CA8: variants seen among roughly 807,000 people sequenced by gnomAD.
The protein encoded by CA8 is carbonic anhydrase 8 (inactive), also known as carbonic anhydrase-related protein.
A neutral mutation model predicts 41.4 loss-of-function variants in CA8; 22 were observed. That is an observed-to-expected ratio of 0.53 (90% CI 0.38 to 0.76). The LOEUF is 0.76. Among genes scored for constraint, CA8 ranks in the 30% least tolerant of loss-of-function variants. The pLI, the probability that CA8 is intolerant of heterozygous loss-of-function variation, is 0.00. For missense variants in CA8, 270 were observed against 352.8 expected, an observed-to-expected ratio of 0.77 and a Z score of 1.88; for synonymous variants, 121 against 130.6, an observed-to-expected ratio of 0.93 and a Z score of 0.50.
intron 2 of CA8, among the ~76,000 whole-genome samples, chr8:60,278,537 A>G: frequency 6.6e-6 from 1 of 152,214 alleles, no homozygotes; most frequent in Non-Finnish European, 1.5e-5. Flanking sequence ...TTTAAAAAAC[A>G]GTAAGTAATG....
chr8:60,226,989 T>C, intron 4 of CA8, 54 bp from the exon 5 acceptor site: 1 of 1,314,944 alleles, frequency 7.6e-7, no homozygotes, highest in South Asian at 1.2e-5. Context: ...TGTTTAGCTT[T>C]AACTAAAAAA....
At chr8:60,263,181 G>A (rs1268230217) in intron 3 of CA8, among the ~76,000 whole-genome samples, 3 of 149,788 alleles carry the variant, frequency 2.0e-5, no homozygotes, top group Non-Finnish European at 4.4e-5. Context: ...AATTTAGCCT[G>A]GTGTGCTGGC....
At chr8:60,210,189 A>G (rs1451429568) in intron 7 of CA8, among the ~76,000 whole-genome samples, 1 of 152,204 alleles carries the variant, frequency 6.6e-6, no homozygotes, top group Admixed American at 6.5e-5. Context: ...CTCTTTAGGA[A>G]TTCTAGTCAA....
chr8:60,260,206 C>G (rs1457808165), intron 3 of CA8, among the ~76,000 whole-genome samples: 1 of 152,160 alleles, frequency 6.6e-6, no homozygotes, highest in African/African-American at 2.4e-5. Context: ...GAGCTAACCT[C>G]CCTCCTCCCC....
intron 3 of CA8, among the ~76,000 whole-genome samples, chr8:60,258,620 A>G (rs1006549134): frequency 6.6e-6 from 1 of 152,204 alleles, no homozygotes; most frequent in African/African-American, 2.4e-5. Context: ...ATATATAAGG[A>G]AATAATTATA....
At chr8:60,209,444 C>A (rs892469557) in intron 7 of CA8, among the ~76,000 whole-genome samples, 4 of 152,190 alleles carry the variant, frequency 2.6e-5, no homozygotes, top group African/African-American at 9.7e-5. Context: ...GAGATCACAC[C>A]GTTGCACTCC....
At chr8:60,219,942 A>AAC (rs1554520141) in intron 7 of CA8, among the ~76,000 whole-genome samples, 4 of 133,556 alleles carry the variant, frequency 3.0e-5, no homozygotes, top group African/African-American at 1.0e-4. Context: ...AAAAAAAAAA[A>AAC]AAAAAAAAAA....
chr8:60,265,572 C>T, intron 3 of CA8: 2 of 279,932 alleles, frequency 7.1e-6, no homozygotes, highest in Non-Finnish European at 1.4e-5. Context: ...GTTGAGGTTT[C>T]TCCAACGGTT....
intron 8 of CA8, among the ~76,000 whole-genome samples, chr8:60,198,054 A>G (rs1382949417): frequency 6.6e-6 from 1 of 152,144 alleles, no homozygotes; most frequent in African/African-American, 2.4e-5. Context: ...TATCTACAAG[A>G]GATAAGAAGG....
chr8:60,194,224 T>G (rs1787917844), intron 8 of CA8, among the ~76,000 whole-genome samples: 1 of 152,204 alleles, frequency 6.6e-6, no homozygotes, highest in Non-Finnish European at 1.5e-5. Context: ...CTCACTTTAT[T>G]GTCTGATTTG....
At chr8:60,247,126 G>T (rs976947237) in intron 3 of CA8, among the ~76,000 whole-genome samples, 1 of 151,830 alleles carries the variant, frequency 6.6e-6, no homozygotes, top group African/African-American at 2.4e-5. Flanking sequence ...CTCATGATCC[G>T]CCCATCTCGG....
intron 3 of CA8, among the ~76,000 whole-genome samples, chr8:60,249,657 C>T (rs1349417551): frequency 6.6e-6 from 1 of 152,006 alleles, no homozygotes; most frequent in Non-Finnish European, 1.5e-5. Context: ...AGAAATTTTT[C>T]ACACAAAAAA....
At chr8:60,256,583 T>C (rs575383346) in intron 3 of CA8, among the ~76,000 whole-genome samples, 3 of 151,794 alleles carry the variant, frequency 2.0e-5, no homozygotes, top group Non-Finnish European at 4.4e-5. Flanking sequence ...CTGTCAATCT[T>C]AAATACCAGA....
chr8:60,267,313 T>C (rs895481673), intron 2 of CA8, among the ~76,000 whole-genome samples: 1 of 152,188 alleles, frequency 6.6e-6, no homozygotes, highest in Non-Finnish European at 1.5e-5. Context: ...CATGGAGTCC[T>C]TGATAAAGGT....
intron 1 of CA8, among the ~76,000 whole-genome samples, chr8:60,280,353 A>G (rs752809995): frequency 1.3e-5 from 2 of 152,190 alleles, no homozygotes; most frequent in Non-Finnish European, 2.9e-5. Flanking sequence ...GCATATGTAT[A>G]TATCTGTGTA....
intron 7 of CA8, among the ~76,000 whole-genome samples, chr8:60,214,261 CAGA>C (rs1230852248): frequency 6.6e-6 from 1 of 152,216 alleles, no homozygotes; most frequent in Admixed American, 6.5e-5. Context: ...TAGCAGAAGG[CAGA>C]AGGACAAGCA....
chr8:60,267,377 A>G (rs1453752613), intron 2 of CA8, among the ~76,000 whole-genome samples: 5 of 152,226 alleles, frequency 3.3e-5, no homozygotes, highest in African/African-American at 1.2e-4. Flanking sequence ...GAAGACAAGG[A>G]ACATCCAGAG....
intron 3 of CA8, among the ~76,000 whole-genome samples, chr8:60,243,430 T>TTAA (rs1180331384): frequency 7.8e-5 from 11 of 141,460 alleles, no homozygotes; most frequent in African/African-American, 2.9e-4. Flanking sequence ...TTCTCCTCTT[T>TTAA]AAAAAAAAAA....
At chr8:60,224,626 T>G in intron 5 of CA8, 41 bp from the exon 6 acceptor site, 1 of 1,207,046 alleles carries the variant, frequency 8.3e-7, no homozygotes, top group Non-Finnish European at 1.2e-6. Flanking sequence ...TAATGTAATA[T>G]TTCTAGATTT....
Sources: gnomAD v4.1 joint callset for allele counts (sites outside exome capture counted in the v4.1 genomes callset) on GRCh38, gnomAD v4.1.1 for gene constraint, MANE v1.5 for transcripts, NCBI Gene and HGNC (gene_info 2026-07-23, HGNC 2026-07-21) for gene names.